RIMS1: variants seen among roughly 807,000 people sequenced by gnomAD.
The protein encoded by RIMS1 is regulating synaptic membrane exocytosis protein 1.
RIMS1 carries 83 observed loss-of-function variants against 214.1 expected under a neutral mutation model. The ratio of observed to expected loss-of-function variants is 0.39; its 90% CI spans 0.32 to 0.47. The LOEUF (loss-of-function observed/expected upper bound fraction) is 0.47. Ranked by LOEUF, RIMS1 falls within the 20% of genes least tolerant of loss-of-function variation. RIMS1 has a pLI of 0.99. For missense variants in RIMS1, 2,050 were observed against 2,161.8 expected (o/e 0.95, Z 1.03); for synonymous variants, 793 against 786.8 (o/e 1.01, Z -0.13).
chr6:72,270,285 AATATT>A (rs976383804), intron 22 of RIMS1, among the ~76,000 whole-genome samples: 1 of 151,360 alleles, frequency 6.6e-6, no homozygotes, highest in African/African-American at 2.5e-5. Flanking sequence ...TTGGGGGAAA[AATATT>A]TAAGGACTAA....
At chr6:72,149,070 GA>G (rs1274499182) in intron 4 of RIMS1, among the ~76,000 whole-genome samples, 2 of 151,490 alleles carry the variant, frequency 1.3e-5, no homozygotes, top group Admixed American at 6.6e-5. Context: ...GTGGAGGAAA[GA>G]AAAAAAACAG....
At chr6:72,186,300 C>T (rs2049088392) in intron 6 of RIMS1, among the ~76,000 whole-genome samples, 3 of 152,134 alleles carry the variant, frequency 2.0e-5, no homozygotes. Flanking sequence ...GTTCATACTC[C>T]AAAAGTTGTG....
intron 29 of RIMS1, among the ~76,000 whole-genome samples, chr6:72,340,992 C>A (rs1423893485): frequency 6.6e-6 from 1 of 151,900 alleles, no homozygotes; most frequent in Non-Finnish European, 1.5e-5. Context: ...TTGAAGAGGT[C>A]CTTCACATCC....
At chr6:72,199,431 G>A (rs2051539853) in intron 6 of RIMS1, among the ~76,000 whole-genome samples, 1 of 152,042 alleles carries the variant, frequency 6.6e-6, no homozygotes, top group Admixed American at 6.5e-5. Flanking sequence ...GTATTTAGAT[G>A]TAATGATATT....
intron 17 of RIMS1, among the ~76,000 whole-genome samples, chr6:72,258,604 A>T (rs924692196): frequency 6.6e-6 from 1 of 152,150 alleles, no homozygotes; most frequent in Non-Finnish European, 1.5e-5. Context: ...AGTGGCGAAG[A>T]GGATAAGGTT....
Position 71,902,778 on chromosome 6 carries a change from T to C in RIMS1, c.164+15591T>C, listed in dbSNP as rs182346547. ...CACTTATAAGTGAAAACATGTGATA[T>C]TCGGTTTTCTGTTCCTGTGTTAGTT... On this transcript the variant is annotated intron_variant, in intron 1 of 33. Transcript: ENST00000521978. Among the ~76,000 whole-genome samples, 7 of 152,260 alleles carry C rather than the reference T, an allele frequency of 4.6e-5. No individual in the cohort carries two copies. In the East Asian group the frequency reaches 9.7e-4, roughly 21 times the overall value.
intron 2 of RIMS1, among the ~76,000 whole-genome samples, chr6:71,992,521 TCCTCCTCC>T (rs1257983681): frequency 6.7e-6 from 1 of 149,844 alleles, no homozygotes; most frequent in African/African-American, 2.5e-5. Flanking sequence ...CTCCTCCTCT[TCCTCCTCC>T]CCTCCTCCTC....
chr6:72,327,425 A>G (rs1202286538), intron 28 of RIMS1, among the ~76,000 whole-genome samples: 1 of 151,642 alleles, frequency 6.6e-6, no homozygotes, highest in Admixed American at 6.6e-5. Flanking sequence ...GTTGATGGGC[A>G]TTTGTTTTGT....
intron 2 of RIMS1, among the ~76,000 whole-genome samples, chr6:72,080,364 G>T (rs565654173): frequency 6.6e-6 from 1 of 152,184 alleles, no homozygotes; most frequent in East Asian, 1.9e-4. Flanking sequence ...GTAGAAGGAA[G>T]ATGTAACTGA....
At chr6:72,162,788 T>C (rs1320487981) in intron 4 of RIMS1, among the ~76,000 whole-genome samples, 1 of 140,636 alleles carries the variant, frequency 7.1e-6, no homozygotes, top group Non-Finnish European at 1.6e-5. Context: ...CCTTTGTGGG[T>C]AACCTGACCT....
intron 1 of RIMS1, among the ~76,000 whole-genome samples, chr6:71,914,364 A>T (rs2150649064): frequency 6.6e-6 from 1 of 152,250 alleles, no homozygotes; most frequent in East Asian, 1.9e-4. Context: ...TTAAGAGTGG[A>T]TACAAGGACT....
At chr6:71,928,558 A>G (rs1782190279) in intron 1 of RIMS1, among the ~76,000 whole-genome samples, 3 of 152,170 alleles carry the variant, frequency 2.0e-5, no homozygotes. Context: ...CTATTCTTAT[A>G]GAAAAGAACA....
chr6:72,329,437 G>A (rs2096585950), intron 28 of RIMS1, among the ~76,000 whole-genome samples: 1 of 151,608 alleles, frequency 6.6e-6, no homozygotes, highest in South Asian at 2.1e-4. Flanking sequence ...AGATTACTAA[G>A]TTAGATTCAA....
intron 24 of RIMS1, among the ~76,000 whole-genome samples, chr6:72,288,312 A>G (rs896395990): frequency 2.0e-5 from 3 of 152,264 alleles, no homozygotes; most frequent in Non-Finnish European, 4.4e-5. Flanking sequence ...ACATATGTAT[A>G]TACTTGTATG....
chr6:72,332,432 AG>A (rs2154340307), intron 28 of RIMS1, among the ~76,000 whole-genome samples: 1 of 150,450 alleles, frequency 6.6e-6, no homozygotes, highest in South Asian at 2.1e-4. Flanking sequence ...AACTATCGCA[AG>A]GACAAAAAAC....
rs539987480 is a variant in RIMS1, at chr6:72,011,721, A to G, written c.245+42658A>G. On this transcript the variant is annotated intron_variant, in intron 2 of 33. Transcript: ENST00000521978. ...AGACATTTATGCAGCCAAAAGACACATGAAAAAATGCTCACCATCACTGAC... is the reference window on the plus strand; with the variant it reads ...AGACATTTATGCAGCCAAAAGACACGTGAAAAAATGCTCACCATCACTGAC... 1.1e-3 allele frequency among the ~76,000 whole-genome samples: 173 copies of G among 152,364 alleles called. 1 individual carries two copies. The highest frequency in any genetic ancestry group is 4.1e-3 in the African/African-American group (171 of 41,592).
intron 6 of RIMS1, among the ~76,000 whole-genome samples, chr6:72,189,433 G>C (rs1376884525): frequency 6.6e-6 from 1 of 152,204 alleles, no homozygotes; most frequent in African/African-American, 2.4e-5. Flanking sequence ...TACCATGACA[G>C]TAGATAAGGC....
At chr6:72,011,398 C>A (rs1353528173) in intron 2 of RIMS1, among the ~76,000 whole-genome samples, 1 of 152,136 alleles carries the variant, frequency 6.6e-6, no homozygotes, top group Non-Finnish European at 1.5e-5. Context: ...CTAGGCAATA[C>A]CATTCAAGAC....
chr6:72,101,193 A>T (rs1436233036), intron 4 of RIMS1, among the ~76,000 whole-genome samples: 2 of 151,972 alleles, frequency 1.3e-5, no homozygotes, highest in Non-Finnish European at 2.9e-5. Context: ...TCCCTTTGAC[A>T]GCGTTACCCA....
Sources: allele counts gnomAD v4.1 joint callset (sites outside exome capture counted in the v4.1 genomes callset), GRCh38; gene constraint gnomAD v4.1.1; transcripts MANE v1.5; gene names NCBI Gene and HGNC (gene_info 2026-07-23, HGNC 2026-07-21).